The following PRR11 variants were observed in gnomAD, a reference collection of about 807,000 sequenced individuals.
PRR11 encodes proline rich 11.
In PRR11, 30 loss-of-function variants were observed where a neutral mutation model predicts 45.6. The ratio of observed to expected loss-of-function variants is 0.66; its 90% CI spans 0.49 to 0.89. The LOEUF is 0.89. Among genes scored for constraint, PRR11 ranks in the 40% least tolerant of loss-of-function variants. The pLI, the probability that PRR11 is intolerant of heterozygous loss-of-function variation, is 0.00. For missense variants in PRR11, 373 were observed against 424.8 expected, an observed-to-expected ratio of 0.88 and a Z score of 1.07; for synonymous variants, 128 against 153.5, an observed-to-expected ratio of 0.83 and a Z score of 1.23.
chr17:59,206,354 G>C lies in PRR11; in HGVS notation c.*4723G>C, dbSNP rs1599712468. ...GCACTCCAGCCTGCTGGGTAACAGA[G>C]CAAGACTCCATCTCAAAAAGAAAAG... On this transcript the variant is annotated 3_prime_UTR_variant, in exon 10 of 10. Transcript: ENST00000262293. Among the ~76,000 whole-genome samples the C allele has an allele frequency of 3.3e-5, 5 of 151,894 alleles. No homozygotes were observed. The highest frequency in any genetic ancestry group is 3.3e-4 in the Admixed American group (5 of 15,220).
intron 1 of PRR11, chr17:59,163,586 C>T (rs552775499): frequency 6.6e-6 from 1 of 152,280 alleles, no homozygotes; most frequent in African/African-American, 2.4e-5. Context: ...TATCTATTTC[C>T]GTTTTTCCTT....
chr17:59,156,049 C>T (rs2046621664), intron 1 of PRR11, among the ~76,000 whole-genome samples: 1 of 152,172 alleles, frequency 6.6e-6, no homozygotes, highest in Admixed American at 6.5e-5. Flanking sequence ...CATCTGCCTT[C>T]CTTTTGAACA....
intron 2 of PRR11, among the ~76,000 whole-genome samples, chr17:59,183,015 A>G (rs1302901208): frequency 1.3e-5 from 2 of 152,198 alleles, no homozygotes; most frequent in Non-Finnish European, 2.9e-5. Flanking sequence ...GCAGTTGTCC[A>G]CTTGAGCTCC....
intron 2 of PRR11, among the ~76,000 whole-genome samples, chr17:59,184,390 G>T (rs938325230): frequency 6.6e-6 from 1 of 152,166 alleles, no homozygotes; most frequent in African/African-American, 2.4e-5. Context: ...TGAACTCGGG[G>T]TGCGGAGGTT....
At chr17:59,168,630 C>T (rs1041506749) in intron 1 of PRR11, among the ~76,000 whole-genome samples, 11 of 152,004 alleles carry the variant, frequency 7.2e-5, no homozygotes, top group African/African-American at 2.7e-4. Context: ...GTGGAGGTTG[C>T]AGTGAGCCAA....
intron 2 of PRR11, chr17:59,174,953 G>A (rs1408903501): frequency 1.6e-5 from 13 of 793,622 alleles, no homozygotes; most frequent in Admixed American, 8.7e-5. Context: ...CCCCCACCCC[G>A]CCTACCTCCT....
At chr17:59,175,633 G>A (rs188585378) in intron 2 of PRR11, among the ~76,000 whole-genome samples, 4 of 152,232 alleles carry the variant, frequency 2.6e-5, no homozygotes, top group East Asian at 1.9e-4. Flanking sequence ...TCCTAGCTAC[G>A]CAAGAGGCTG....
At chr17:59,170,123 G>A (rs532873400) in intron 2 of PRR11, among the ~76,000 whole-genome samples, 98 of 151,910 alleles carry the variant, frequency 6.5e-4, no homozygotes, top group Middle Eastern at 3.4e-3. Flanking sequence ...GTGGTGGCGG[G>A]CAACTGTAAT....
At position 59,205,263 on chromosome 17, in the gene PRR11, C is replaced by G. The variant is rs528638482; in HGVS notation, c.*3632C>G. 6.6e-6 allele frequency among the ~76,000 whole-genome samples: 1 copy of G among 152,038 alleles called. No homozygotes were observed. Among genetic ancestry groups the G allele is most frequent in the South Asian group, 2.1e-4 (1 of 4,776 alleles). On this transcript the variant is annotated 3_prime_UTR_variant, in exon 10 of 10. Transcript: ENST00000262293. Reference sequence around the variant, plus strand: ...TAAACTACGATTTATCATATGCTCCCGGTGTTTACTTTGAGACTGAATGGC... The same window carrying G: ...TAAACTACGATTTATCATATGCTCCGGGTGTTTACTTTGAGACTGAATGGC...
intron 4 of PRR11, 38 bp from the exon 5 acceptor site, chr17:59,193,449 ATTAAC>A: frequency 6.2e-7 from 1 of 1,610,356 alleles, no homozygotes; most frequent in Non-Finnish European, 8.5e-7. Context: ...CAAGAATCAA[ATTAAC>A]TTGTTATTTA....
At chr17:59,158,531 A>C (rs2046636670) in intron 1 of PRR11, among the ~76,000 whole-genome samples, 1 of 152,196 alleles carries the variant, frequency 6.6e-6, no homozygotes, top group Non-Finnish European at 1.5e-5. Context: ...TTCAATCCAA[A>C]ACTAAAAAAA....
chr17:59,197,395 G>A (rs1045467500), intron 7 of PRR11, 149 bp from the exon 8 acceptor site: 4 of 665,586 alleles, frequency 6.0e-6, no homozygotes, highest in Non-Finnish European at 1.0e-5. Flanking sequence ...GGGACTACAG[G>A]CGCCCACCAC....
At chr17:59,177,062 G>A (rs1216994637) in intron 2 of PRR11, 7 of 500,772 alleles carry the variant, frequency 1.4e-5, no homozygotes, top group East Asian at 5.4e-5. Context: ...TGTACACAGA[G>A]TAAAGAGGAC....
intron 1 of PRR11, among the ~76,000 whole-genome samples, chr17:59,161,410 C>CA (rs60245705): frequency 0.26 from 24,474 of 94,912 alleles, 3,187 homozygotes; most frequent in African/African-American, 0.46. Context: ...GACTCCGTCT[C>CA]AAAAAAAAAA....
At position 59,193,753 on chromosome 17, in the gene PRR11, A is replaced by G. The variant is rs2046851055; in HGVS notation, c.645+19A>G. 1.3e-5 allele frequency: 21 copies of G among 1,611,088 alleles called. No individual in the cohort carries two copies. The highest frequency in any genetic ancestry group is 1.8e-5 in the Non-Finnish European group (21 of 1,177,456). On this transcript the variant is annotated intron_variant, in intron 5 of 9. Coordinates refer to ENST00000262293, the MANE Select transcript of PRR11 (RefSeq NM_018304.4). ...ACTTCAGGTAGGTAACAATCTAGTA[A>G]TGATATGTTTTGATATGTTTTGGTG... is the stretch of plus-strand genomic sequence containing the variant.
At position 59,169,859 on chromosome 17, in the gene PRR11, CT is replaced by C; in HGVS notation, c.108del (p.Pro37HisfsTer13). ...HFQSKLITPP[P>X]PPPSPERVGI... Reference sequence around the variant, plus strand: ...CAGTCCAAGCTAATTACACCTCCTCCTCCACCACCCTCACCAGAAAGGTAAG... The same window carrying C: ...CAGTCCAAGCTAATTACACCTCCTCCCCACCACCCTCACCAGAAAGGTAAG... On this transcript the variant is annotated frameshift_variant, in exon 2 of 10. Coordinates refer to ENST00000262293, the MANE Select transcript of PRR11 (RefSeq NM_018304.4). LOFTEE classifies it high-confidence loss of function. The C allele has an allele frequency of 6.2e-7, 1 of 1,604,788 alleles. No homozygotes were observed. Among genetic ancestry groups the C allele is most frequent in the Non-Finnish European group, 8.5e-7 (1 of 1,177,298 alleles).
chr17:59,173,315 G>A (rs2046721074), intron 2 of PRR11, among the ~76,000 whole-genome samples: 1 of 152,202 alleles, frequency 6.6e-6, no homozygotes, highest in East Asian at 1.9e-4. Flanking sequence ...AATAAAAGCA[G>A]GCTGCCCAAG....
chr17:59,172,992 T>C (rs1385830979), intron 2 of PRR11, among the ~76,000 whole-genome samples: 1 of 152,224 alleles, frequency 6.6e-6, no homozygotes, highest in Non-Finnish European at 1.5e-5. Context: ...CTGAGTCTAG[T>C]GGGGACTTGG....
chr17:59,197,826 T>G, intron 9 of PRR11, 37 bp downstream of exon 9: 1 of 1,584,526 alleles, frequency 6.3e-7, no homozygotes, highest in Non-Finnish European at 8.7e-7. Flanking sequence ...TTCCTTTGCT[T>G]GAAAATAATT....
Sources: allele counts gnomAD v4.1 joint callset (sites outside exome capture counted in the v4.1 genomes callset), GRCh38; gene constraint gnomAD v4.1.1; transcripts MANE v1.5; gene names NCBI Gene and HGNC (gene_info 2026-07-23, HGNC 2026-07-21).